NRXN3: variants seen among roughly 807,000 people sequenced by gnomAD.
The protein encoded by NRXN3 is neurexin III.
In NRXN3, 32 loss-of-function variants were observed where a neutral mutation model predicts 137.6. The observed-to-expected ratio is 0.23, with a 90% CI of 0.18 to 0.31. NRXN3 has a LOEUF of 0.31. Among genes scored for constraint, NRXN3 ranks in the 10% least tolerant of loss-of-function variants. The pLI is 1.00. For missense variants in NRXN3, 1,574 were observed against 2,062.5 expected (o/e 0.76, Z 4.59); for synonymous variants, 798 against 784.5 (o/e 1.02, Z -0.29).
At position 79,866,531 on chromosome 14, in the gene NRXN3, A is replaced by G. The variant is rs1465862819; in HGVS notation, c.*4567A>G. 1.3e-5 allele frequency: 2 copies of G among 152,204 alleles called. No homozygotes were observed. Among genetic ancestry groups the G allele is most frequent in the East Asian group, 3.9e-4 (2 of 5,190 alleles). The allele number at this position is 152,204 out of a possible 1,614,324, so 9.4% of individuals were successfully genotyped here. A position where few individuals can be genotyped will look rare whatever the true frequency, so the allele number is the denominator to read the frequency against. On this transcript the variant is annotated 3_prime_UTR_variant, in exon 21 of 21. Coordinates refer to ENST00000335750, the MANE Select transcript of NRXN3 (RefSeq NM_001330195.2). Reference sequence around the variant, plus strand: ...AGTGGGAGCAAGCAGGATCAAAACCATAATTTGGATTGATGACAGACTGCA... The same window carrying G: ...AGTGGGAGCAAGCAGGATCAAAACCGTAATTTGGATTGATGACAGACTGCA...
intron 4 of NRXN3, among the ~76,000 whole-genome samples, chr14:78,525,515 T>C (rs1282925023): frequency 6.6e-6 from 1 of 152,164 alleles, no homozygotes; most frequent in Admixed American, 6.5e-5. Context: ...TCTCTTACTG[T>C]AGACCCAGCC....
chr14:79,235,622 C>T (rs1405306818), intron 15 of NRXN3, among the ~76,000 whole-genome samples: 1 of 152,080 alleles, frequency 6.6e-6, no homozygotes, highest in East Asian at 1.9e-4. Context: ...AGGACATTGT[C>T]AACACAGATT....
intron 4 of NRXN3, among the ~76,000 whole-genome samples, chr14:78,453,835 C>G (rs559873326): frequency 5.9e-5 from 9 of 152,090 alleles, no homozygotes; most frequent in Non-Finnish European, 1.3e-4. Flanking sequence ...CATCTACAAG[C>G]CAAAGATTGC....
chr14:79,486,717 G>T (rs1204240592), intron 16 of NRXN3, among the ~76,000 whole-genome samples: 1 of 152,220 alleles, frequency 6.6e-6, no homozygotes, highest in Non-Finnish European at 1.5e-5. Flanking sequence ...TAATTTATCA[G>T]ATTTCAACAC....
intron 15 of NRXN3, among the ~76,000 whole-genome samples, chr14:79,173,350 T>C (rs183170171): frequency 5.9e-4 from 90 of 151,916 alleles, no homozygotes; most frequent in Admixed American, 1.8e-3. Context: ...GGCGACATGA[T>C]GAGACCCTAT....
chr14:78,960,963 A>G (rs1208713425), intron 11 of NRXN3, among the ~76,000 whole-genome samples: 4 of 152,110 alleles, frequency 2.6e-5, no homozygotes, highest in Non-Finnish European at 5.9e-5. Context: ...GGAGACTTTA[A>G]TAAGCTAATG....
chr14:79,281,016 A>G (rs1395667121), intron 15 of NRXN3, among the ~76,000 whole-genome samples: 1 of 152,150 alleles, frequency 6.6e-6, no homozygotes, highest in South Asian at 2.1e-4. Flanking sequence ...AACTGTTATA[A>G]AGTAGCCTGT....
intron 19 of NRXN3, among the ~76,000 whole-genome samples, chr14:79,753,876 T>A (rs924148276): frequency 6.6e-6 from 1 of 151,934 alleles, no homozygotes; most frequent in African/African-American, 2.4e-5. Context: ...CACCCATGGA[T>A]TCAAAAAGCA....
chr14:79,147,301 T>C (rs2059389803), intron 15 of NRXN3, among the ~76,000 whole-genome samples: 2 of 152,188 alleles, frequency 1.3e-5, no homozygotes, highest in African/African-American at 4.8e-5. Flanking sequence ...TGGTAATTTC[T>C]ATGTAAATTT....
intron 4 of NRXN3, among the ~76,000 whole-genome samples, chr14:78,338,843 T>A (rs1221095968): frequency 6.6e-6 from 1 of 152,220 alleles, no homozygotes; most frequent in African/African-American, 2.4e-5. Flanking sequence ...TGAAAGGGCC[T>A]CTTCATTGTG....
intron 8 of NRXN3, among the ~76,000 whole-genome samples, chr14:78,796,544 A>G (rs1035679286): frequency 6.6e-6 from 1 of 152,194 alleles, no homozygotes; most frequent in African/African-American, 2.4e-5. Flanking sequence ...TACCAGCAGC[A>G]ATGAGCAAAC....
At chr14:79,561,993 G>T (rs796496188) in intron 16 of NRXN3, among the ~76,000 whole-genome samples, 2 of 152,108 alleles carry the variant, frequency 1.3e-5, no homozygotes, top group East Asian at 3.9e-4. Flanking sequence ...TTTAATGACA[G>T]TTCATGGTGT....
At chr14:79,731,297 A>T (rs994510952) in intron 19 of NRXN3, among the ~76,000 whole-genome samples, 4 of 152,210 alleles carry the variant, frequency 2.6e-5, no homozygotes, top group African/African-American at 9.6e-5. Flanking sequence ...GGCAGAGCTC[A>T]GGTTTAAAGA....
intron 16 of NRXN3, among the ~76,000 whole-genome samples, chr14:79,474,907 A>C (rs913873717): frequency 5.3e-5 from 8 of 152,098 alleles, no homozygotes; most frequent in Non-Finnish European, 8.8e-5. Flanking sequence ...GACCATCACC[A>C]CCACCAATAG....
chr14:79,399,981 T>C (rs757067292), intron 15 of NRXN3, among the ~76,000 whole-genome samples: 52 of 152,206 alleles, frequency 3.4e-4, no homozygotes, highest in South Asian at 1.2e-3. Context: ...CCTTCTTCCC[T>C]GTGCATATGT....
Position 78,402,997 on chromosome 14 carries a change from G to A in NRXN3, c.757+105137G>A, listed in dbSNP as rs1452433386. On this transcript the variant is annotated intron_variant, in intron 4 of 20. Transcript: ENST00000335750. ...TCATAAGAAGACAACTCCATATATA[G>A]TATTCTGCCCCCGGATTTCTGCTTC... 3.3e-5 allele frequency among the ~76,000 whole-genome samples: 5 copies of A among 152,184 alleles called. No homozygotes were observed. In the East Asian group the frequency reaches 5.8e-4, roughly 18 times the overall value.
intron 4 of NRXN3, among the ~76,000 whole-genome samples, chr14:78,304,708 C>T (rs1211504651): frequency 6.6e-6 from 1 of 152,154 alleles, no homozygotes; most frequent in Non-Finnish European, 1.5e-5. Flanking sequence ...AGGGACCTGA[C>T]CAGTCTTAAG....
At chr14:78,862,166 A>C (rs1393180551) in intron 10 of NRXN3, among the ~76,000 whole-genome samples, 1 of 152,108 alleles carries the variant, frequency 6.6e-6, no homozygotes, top group East Asian at 1.9e-4. Flanking sequence ...AGACCTTTCT[A>C]GTTGGTGACT....
chr14:79,490,240 T>C (rs1000601777), intron 16 of NRXN3, among the ~76,000 whole-genome samples: 2 of 152,118 alleles, frequency 1.3e-5, no homozygotes, highest in Non-Finnish European at 1.5e-5. Flanking sequence ...ACAATCACTA[T>C]AGAGAACAGT....
Sources: gnomAD v4.1 joint callset for allele counts (sites outside exome capture counted in the v4.1 genomes callset) on GRCh38, gnomAD v4.1.1 for gene constraint, MANE v1.5 for transcripts, NCBI Gene and HGNC (gene_info 2026-07-23, HGNC 2026-07-21) for gene names.